Variants in GRIN2A observed in about 807,000 individuals in gnomAD.
The protein encoded by GRIN2A is glutamate receptor ionotropic, NMDA 2A.
Under a neutral mutation model 113.4 loss-of-function variants are expected in GRIN2A, and 22 were observed. That is an observed-to-expected ratio of 0.19 (90% CI 0.14 to 0.28). The LOEUF (loss-of-function observed/expected upper bound fraction) is 0.28, where lower values mean the gene tolerates loss of function less well. Among genes scored for constraint, GRIN2A ranks in the 10% least tolerant of loss-of-function variants. GRIN2A has a pLI of 1.00. For missense variants in GRIN2A, 1,502 were observed against 1,887.0 expected (o/e 0.80, Z 3.78); for synonymous variants, 827 against 738.4 (o/e 1.12, Z -1.94).
chr16:9,929,052 G>A (rs2044530417), intron 3 of GRIN2A, among the ~76,000 whole-genome samples: 1 of 152,210 alleles, frequency 6.6e-6, no homozygotes, highest in Admixed American at 6.5e-5. Flanking sequence ...GGAATTTACA[G>A]CGTAACTCTT....
At chr16:10,042,394 G>T (rs1194869102) in intron 2 of GRIN2A, among the ~76,000 whole-genome samples, 1 of 152,046 alleles carries the variant, frequency 6.6e-6, no homozygotes, top group Non-Finnish European at 1.5e-5. Flanking sequence ...CCACGGAGAG[G>T]TTCTCAAAAT....
chr16:9,993,780 C>T (rs974663425), intron 2 of GRIN2A, among the ~76,000 whole-genome samples: 2 of 152,098 alleles, frequency 1.3e-5, no homozygotes, highest in Non-Finnish European at 2.9e-5. Context: ...TAACTCCAAC[C>T]CCCATTCGTA....
intron 2 of GRIN2A, among the ~76,000 whole-genome samples, chr16:10,109,243 C>T (rs940823331): frequency 6.6e-6 from 1 of 151,942 alleles, no homozygotes; most frequent in Admixed American, 6.6e-5. Flanking sequence ...CTTCACCAAC[C>T]CTGTATCAAT....
chr16:10,084,314 C>G (rs2048043161), intron 2 of GRIN2A, among the ~76,000 whole-genome samples: 1 of 152,150 alleles, frequency 6.6e-6, no homozygotes, highest in African/African-American at 2.4e-5. Flanking sequence ...GCACTTTAAG[C>G]ATGGGGCTGA....
rs776377337 is a variant in GRIN2A at position 9,755,826 on chromosome 16, G to A, written c.*7323C>T. 16 of 202,032 alleles carry A rather than the reference G, an allele frequency of 7.9e-5. No individual in the cohort carries two copies. The highest frequency in any genetic ancestry group is 1.9e-4 in the South Asian group (1 of 5,222). 12.5% of individuals were successfully genotyped at this position (202,032 alleles called of 1,614,324 possible). A position where few individuals can be genotyped will look rare whatever the true frequency, so the allele number is the denominator to read the frequency against. On this transcript the variant is annotated 3_prime_UTR_variant, in exon 13 of 13. Transcript: ENST00000330684. ...TCATTATCCTAATGCTAAGTGAGCC[G>A]GGAATTATCTCTAAGACAATTTGGA...
At position 9,755,404 on chromosome 16, in the gene GRIN2A, A is replaced by T. The variant is rs565646878; in HGVS notation, c.*7745T>A. On this transcript the variant is annotated 3_prime_UTR_variant, in exon 13 of 13. Coordinates refer to ENST00000330684, the MANE Select transcript of GRIN2A (RefSeq NM_001134407.3). ...TGTAGACCCAACAACAGGATCTCCA[A>T]ATAACAAATAATAATCTTTCTGTCT... 5.4e-6 allele frequency: 1 copy of T among 184,398 alleles called. No individual in the cohort carries two copies. The highest frequency in any genetic ancestry group is 1.2e-5 in the Non-Finnish European group (1 of 86,894). 11.4% of individuals were successfully genotyped at this position (184,398 alleles called of 1,614,324 possible). A position where few individuals can be genotyped will look rare whatever the true frequency, so the allele number is the denominator to read the frequency against.
chr16:9,939,226 T>C (rs1031857323), intron 2 of GRIN2A, among the ~76,000 whole-genome samples: 3 of 152,098 alleles, frequency 2.0e-5, no homozygotes, highest in Non-Finnish European at 4.4e-5. Context: ...AAAAGAGGTA[T>C]ATGAAGTGCT....
At chr16:10,117,022 A>G (rs2048740575) in intron 2 of GRIN2A, among the ~76,000 whole-genome samples, 1 of 151,788 alleles carries the variant, frequency 6.6e-6, no homozygotes, top group African/African-American at 2.4e-5. Flanking sequence ...GTGGGGCATC[A>G]ACAACATAGC....
chr16:10,151,731 A>G (rs1030573104), intron 2 of GRIN2A, among the ~76,000 whole-genome samples: 3 of 152,124 alleles, frequency 2.0e-5, no homozygotes, highest in Admixed American at 1.3e-4. Flanking sequence ...CAGCTTTTCA[A>G]AGAAATTTCA....
At chr16:9,927,640 T>C (rs2044493970) in intron 3 of GRIN2A, among the ~76,000 whole-genome samples, 3 of 152,194 alleles carry the variant, frequency 2.0e-5, no homozygotes, top group Non-Finnish European at 4.4e-5. Context: ...GGATGAAAGA[T>C]AATATATTTA....
At chr16:10,029,041 A>T (rs530700080) in intron 2 of GRIN2A, among the ~76,000 whole-genome samples, 2 of 152,322 alleles carry the variant, frequency 1.3e-5, no homozygotes, top group Non-Finnish European at 1.5e-5. Context: ...TCCACAACCA[A>T]ATGCAGAGGG....
At chr16:10,111,080 G>C (rs2048604093) in intron 2 of GRIN2A, among the ~76,000 whole-genome samples, 1 of 152,222 alleles carries the variant, frequency 6.6e-6, no homozygotes, top group South Asian at 2.1e-4. Context: ...AGAACTGATT[G>C]AAATGAGACA....
At position 10,147,007 on chromosome 16, in the gene GRIN2A, A is replaced by C. The variant is rs569187308; in HGVS notation, c.414+32991T>G. On this transcript the variant is annotated intron_variant, in intron 2 of 12. Transcript: ENST00000330684. Reference sequence around the variant, plus strand: ...AGGCATGCTAAACTCAACCCTGGAGACCTGCCTTGCTTTTCCCTCAGGCCA... The same window carrying C: ...AGGCATGCTAAACTCAACCCTGGAGCCCTGCCTTGCTTTTCCCTCAGGCCA... 2.0e-5 allele frequency among the ~76,000 whole-genome samples: 3 copies of C among 152,210 alleles called. No homozygotes were observed. In the East Asian group the frequency reaches 5.8e-4, roughly 30 times the overall value.
intron 2 of GRIN2A, chr16:10,171,584 C>T (rs1362555404): frequency 1.3e-5 from 2 of 152,220 alleles, no homozygotes; most frequent in Non-Finnish European, 2.9e-5. Flanking sequence ...CAAATCATTT[C>T]ATGTTAGACC....
At chr16:10,179,949 C>T (rs1299937704) in intron 2 of GRIN2A, 49 bp downstream of exon 2, 2 of 1,523,362 alleles carry the variant, frequency 1.3e-6, no homozygotes, top group Non-Finnish European at 1.8e-6. Flanking sequence ...AGCTGCCATG[C>T]AGCTGGTGGC....
At chr16:10,167,834 T>C (rs901239669) in intron 2 of GRIN2A, among the ~76,000 whole-genome samples, 6 of 152,142 alleles carry the variant, frequency 3.9e-5, no homozygotes, top group African/African-American at 1.4e-4. Flanking sequence ...TCGTTTTTCT[T>C]TGGGGGGATG....
chr16:9,790,800 A>G (rs903555645), intron 11 of GRIN2A, among the ~76,000 whole-genome samples: 16 of 152,230 alleles, frequency 1.1e-4, no homozygotes, highest in Non-Finnish European at 1.8e-4. Flanking sequence ...GTGTATCTGC[A>G]GTATTTTCTA....
chr16:9,913,599 A>G (rs538096681), intron 3 of GRIN2A, among the ~76,000 whole-genome samples: 8 of 152,326 alleles, frequency 5.3e-5, no homozygotes, highest in African/African-American at 1.9e-4. Context: ...TTTATACTTC[A>G]GCAGCTCTGG....
In GRIN2A at chr16:10,062,741, T is replaced by C. The variant is rs1207456661; in HGVS notation, c.414+117257A>G. 7.2e-5 allele frequency among the ~76,000 whole-genome samples: 11 copies of C among 152,122 alleles called. No individual in the cohort carries two copies. In the East Asian group the frequency reaches 1.4e-3, roughly 19 times the overall value. ...TTAGTTGCGTGTGATGGCATATGTC[T>C]ATAATCCCGGCTACTCGGGAGGCAG... On this transcript the variant is annotated intron_variant, in intron 2 of 12. Coordinates refer to ENST00000330684, the MANE Select transcript of GRIN2A (RefSeq NM_001134407.3).
Sources: gnomAD v4.1 joint callset for allele counts (sites outside exome capture counted in the v4.1 genomes callset) on GRCh38, gnomAD v4.1.1 for gene constraint, MANE v1.5 for transcripts, NCBI Gene and HGNC (gene_info 2026-07-23, HGNC 2026-07-21) for gene names.